The following CCDC50 variants were observed in gnomAD, a reference collection of about 807,000 sequenced individuals.
CCDC50 encodes coiled-coil domain-containing protein 50.
Under a neutral mutation model 70.2 loss-of-function variants are expected in CCDC50, and 54 were observed. The ratio of observed to expected loss-of-function variants is 0.77; its 90% CI spans 0.62 to 0.96. The LOEUF is 0.96. CCDC50 is among the 50% of genes least tolerant of loss of function. The pLI is 0.00. For synonymous variants in CCDC50, 216 were observed against 198.8 expected, an observed-to-expected ratio of 1.09 and a Z score of -0.73; for missense variants, 558 against 578.7, an observed-to-expected ratio of 0.96 and a Z score of 0.37.
intron 1 of CCDC50, among the ~76,000 whole-genome samples, chr3:191,349,973 C>G (rs1394058753): frequency 8.1e-6 from 1 of 124,150 alleles, no homozygotes; most frequent in African/African-American, 2.7e-5. Flanking sequence ...AATACCCCCC[C>G]CCTCCCTTTT....
At position 191,332,939 on chromosome 3, in the gene CCDC50, A is replaced by C. The variant is rs1346492989; in HGVS notation, c.49+3216A>C. Among the ~76,000 whole-genome samples the C allele has an allele frequency of 2.0e-5, 3 of 152,196 alleles. No individual in the cohort carries two copies. The East Asian group carries it at 5.8e-4, about 29-fold the overall frequency. ...TTCTTTGCAATTTCTTAAGCATTAG[A>C]GCTTTACCACTTTTAGCCATGCAGT... On this transcript the variant is annotated intron_variant, in intron 1 of 11. Transcript: ENST00000392455.
chr3:191,349,966 A>AAAC (rs1712048855), intron 1 of CCDC50, among the ~76,000 whole-genome samples: 5 of 105,614 alleles, frequency 4.7e-5, no homozygotes, highest in South Asian at 3.3e-4. Context: ...ATTTAATAAT[A>AAAC]CCCCCCCCCT....
chr3:191,390,754 G>A (rs1057462391), intron 11 of CCDC50, among the ~76,000 whole-genome samples: 1 of 152,148 alleles, frequency 6.6e-6, no homozygotes, highest in Non-Finnish European at 1.5e-5. Context: ...TATCAGCAAG[G>A]TCTTCATGAC....
intron 5 of CCDC50, among the ~76,000 whole-genome samples, chr3:191,372,897 AT>A (rs1222389862): frequency 6.6e-6 from 1 of 152,116 alleles, no homozygotes; most frequent in Non-Finnish European, 1.5e-5. Flanking sequence ...ACTAAATAAA[AT>A]GGAGATTATA....
At chr3:191,349,819 T>A (rs1712043545) in intron 1 of CCDC50, among the ~76,000 whole-genome samples, 1 of 141,680 alleles carries the variant, frequency 7.1e-6, no homozygotes, top group South Asian at 2.2e-4. Context: ...TGAGGCAAAG[T>A]AAACTAGGTC....
At position 191,392,554 on chromosome 3, in the gene CCDC50, C is replaced by T. The variant is rs1713730601; in HGVS notation, c.*794C>T. ...AGGAAATGGAATTGAAAGATGATTG[C>T]ATAAGTAATGATGCCATCCTTCTCT... On this transcript the variant is annotated 3_prime_UTR_variant, in exon 12 of 12. Coordinates refer to ENST00000392455, the MANE Select transcript of CCDC50 (RefSeq NM_178335.3). The T allele has an allele frequency of 1.3e-5, 2 of 152,150 alleles. No individual in the cohort carries two copies. Among genetic ancestry groups the T allele is most frequent in the Admixed American group, 1.3e-4 (2 of 15,274 alleles). 9.4% of individuals were successfully genotyped at this position (152,150 alleles called of 1,614,324 possible). A position where few individuals can be genotyped will look rare whatever the true frequency, so the allele number is the denominator to read the frequency against.
At chr3:191,356,653 A>G (rs1176738109) in intron 1 of CCDC50, among the ~76,000 whole-genome samples, 1 of 152,254 alleles carries the variant, frequency 6.6e-6, no homozygotes, top group Non-Finnish European at 1.5e-5. Context: ...TCTGAACCAC[A>G]GGGAAGCATA....
At chr3:191,381,530 G>T (rs1415680072) in intron 9 of CCDC50, among the ~76,000 whole-genome samples, 1 of 152,142 alleles carries the variant, frequency 6.6e-6, no homozygotes, top group Non-Finnish European at 1.5e-5. Flanking sequence ...TGCGGTAATT[G>T]TGAGTTCCAG....
chr3:191,339,845 G>A (rs1711660744), intron 1 of CCDC50, among the ~76,000 whole-genome samples: 1 of 152,160 alleles, frequency 6.6e-6, no homozygotes, highest in South Asian at 2.1e-4. Flanking sequence ...AAAGGCACCA[G>A]GTTGAACAAA....
chr3:191,336,075 T>C (rs184892691), intron 1 of CCDC50, among the ~76,000 whole-genome samples: 1 of 152,046 alleles, frequency 6.6e-6, no homozygotes, highest in Non-Finnish European at 1.5e-5. Flanking sequence ...GAAGAACATA[T>C]GAGTTTTCAG....
At chr3:191,334,414 C>T (rs1202601432) in intron 1 of CCDC50, among the ~76,000 whole-genome samples, 1 of 152,084 alleles carries the variant, frequency 6.6e-6, no homozygotes, top group Non-Finnish European at 1.5e-5. Context: ...AGGTACTTAA[C>T]GGACGACTCA....
intron 1 of CCDC50, among the ~76,000 whole-genome samples, chr3:191,353,218 G>A (rs551066463): frequency 1.4e-5 from 2 of 142,412 alleles, no homozygotes; most frequent in African/African-American, 5.0e-5. Context: ...GGGCAGAGGG[G>A]AGAGCCTACG....
intron 6 of CCDC50, among the ~76,000 whole-genome samples, chr3:191,378,692 A>G (rs1713200130): frequency 1.3e-5 from 2 of 151,134 alleles, no homozygotes; most frequent in East Asian, 3.9e-4. Context: ...GGAGATTTAT[A>G]TTCTATTTCA....
chr3:191,363,505 G>A (rs1343813781), intron 4 of CCDC50, among the ~76,000 whole-genome samples: 15 of 152,204 alleles, frequency 9.9e-5, no homozygotes, highest in Non-Finnish European at 1.5e-5. Flanking sequence ...CTAAAGGGCT[G>A]TTGTGAGGTA....
In CCDC50 at chr3:191,360,174, C is replaced by T. The variant is rs548567961; in HGVS notation, c.240-895C>T. ...CCGGGCTGCCGTAAGTCAGGATTAC[C>T]GCTTGTTTACTACTGCTTTCTCAGT... On this transcript the variant is annotated intron_variant, in intron 3 of 11. Coordinates refer to ENST00000392455, the MANE Select transcript of CCDC50 (RefSeq NM_178335.3). Among the ~76,000 whole-genome samples the T allele has an allele frequency of 3.0e-4, 45 of 152,284 alleles. 1 individual carries two copies. The highest frequency in any genetic ancestry group is 1.1e-3 in the African/African-American group (44 of 41,560).
intron 6 of CCDC50, among the ~76,000 whole-genome samples, chr3:191,379,443 C>G (rs910307625): frequency 6.6e-6 from 1 of 152,028 alleles, no homozygotes; most frequent in Non-Finnish European, 1.5e-5. Flanking sequence ...ATATAATACA[C>G]TCACACTGTC....
chr3:191,364,109 T>G (rs1423330394), intron 4 of CCDC50, among the ~76,000 whole-genome samples: 2 of 151,464 alleles, frequency 1.3e-5, no homozygotes, highest in Non-Finnish European at 2.9e-5. Context: ...TTGCTCTGTC[T>G]CCAGGCTGGA....
In CCDC50 at chr3:191,370,384, G is replaced by T. The variant is rs559910186; in HGVS notation, c.448+348G>T. ...CCCCCCTCCCCCCACCCCACAACAG[G>T]CCCCGGTGTGTGATGTTTGCCTTCC... On this transcript the variant is annotated intron_variant, in intron 5 of 11. Coordinates refer to ENST00000392455, the MANE Select transcript of CCDC50 (RefSeq NM_178335.3). 247 of 274,670 alleles carry T rather than the reference G, an allele frequency of 9.0e-4. 1 individual carries two copies. The highest frequency in any genetic ancestry group is 6.3e-3 in the African/African-American group (234 of 37,248). 17.0% of individuals were successfully genotyped at this position (274,670 alleles called of 1,614,324 possible).
chr3:191,368,948 A>C (rs1310344087), intron 4 of CCDC50, among the ~76,000 whole-genome samples: 1 of 152,114 alleles, frequency 6.6e-6, no homozygotes, highest in Non-Finnish European at 1.5e-5. Flanking sequence ...ACCTTTAGTA[A>C]TCCTCCATCC....
Sources: gnomAD v4.1 joint callset for allele counts (sites outside exome capture counted in the v4.1 genomes callset) on GRCh38, gnomAD v4.1.1 for gene constraint, MANE v1.5 for transcripts, NCBI Gene and HGNC (gene_info 2026-07-23, HGNC 2026-07-21) for gene names.